RRP15: variants seen among roughly 807,000 people sequenced by gnomAD.
RRP15 encodes the protein RRP15-like protein.
A neutral mutation model predicts 27.1 loss-of-function variants in RRP15; 18 were observed. The ratio of observed to expected loss-of-function variants is 0.66; its 90% CI spans 0.46 to 0.98. RRP15 has a LOEUF of 0.98. Among genes scored for constraint, RRP15 ranks in the 50% least tolerant of loss-of-function variants. RRP15 has a pLI of 0.00. For missense variants in RRP15, 359 were observed against 337.8 expected (o/e 1.06, Z -0.49); for synonymous variants, 107 against 109.4 (o/e 0.98, Z 0.14).
chr1:218,323,319 G>A (rs972672169), intron 4 of RRP15, among the ~76,000 whole-genome samples: 1 of 152,228 alleles, frequency 6.6e-6, no homozygotes, highest in Admixed American at 6.5e-5. Context: ...GACAAGTGGA[G>A]GATGAGCAAG....
chr1:218,318,803 G>T (rs974134113), intron 4 of RRP15, among the ~76,000 whole-genome samples: 10 of 151,306 alleles, frequency 6.6e-5, no homozygotes, highest in South Asian at 2.1e-4. Flanking sequence ...TAATTTCTGG[G>T]ACAAATAGTT....
chr1:218,302,044 G>A (rs975656029), intron 1 of RRP15: 8 of 411,510 alleles, frequency 1.9e-5, no homozygotes, highest in Non-Finnish European at 2.6e-5. Flanking sequence ...TGTTTCTGCT[G>A]CCTGGGTCCT....
chr1:218,336,536 C>G lies in RRP15; in HGVS notation c.*5445C>G, dbSNP rs779670396. The G allele has an allele frequency of 6.6e-6, 1 of 152,620 alleles. No homozygotes were observed. The highest frequency in any genetic ancestry group is 6.5e-5 in the Admixed American group (1 of 15,274). The allele number at this position is 152,620 out of a possible 1,614,324, so 9.5% of individuals were successfully genotyped here. A position where few individuals can be genotyped will look rare whatever the true frequency, so the allele number is the denominator to read the frequency against. ...GTTGATTCACCCTCAGGCTACCAGA[C>G]AGTTGCCTCTTTGCATTTGCAGAAC... On this transcript the variant is annotated 3_prime_UTR_variant, in exon 5 of 5. Coordinates refer to ENST00000366932, the MANE Select transcript of RRP15 (RefSeq NM_016052.4).
intron 1 of RRP15, among the ~76,000 whole-genome samples, chr1:218,294,367 G>A (rs1277034342): frequency 6.6e-6 from 1 of 152,178 alleles, no homozygotes; most frequent in Non-Finnish European, 1.5e-5. Context: ...TCAGATACCA[G>A]TCCTAAATCC....
chr1:218,320,164 C>T (rs1301987555), intron 4 of RRP15, among the ~76,000 whole-genome samples: 1 of 151,962 alleles, frequency 6.6e-6, no homozygotes. Context: ...CACCCATTAA[C>T]TCATCATTTA....
chr1:218,320,651 T>C (rs557494717), intron 4 of RRP15, among the ~76,000 whole-genome samples: 42 of 152,246 alleles, frequency 2.8e-4, no homozygotes, highest in Admixed American at 6.5e-4. Context: ...TATGTCCACA[T>C]TTTGCCATAA....
chr1:218,307,365 A>C, intron 3 of RRP15, 66 bp from the exon 4 acceptor site: 1 of 1,367,376 alleles, frequency 7.3e-7, no homozygotes, highest in Non-Finnish European at 1.0e-6. Flanking sequence ...CATTTTTCCT[A>C]TCCTCAGAGT....
In RRP15 at chr1:218,332,979, A is replaced by G. The variant is rs1049018897; in HGVS notation, c.*1888A>G. The G allele has an allele frequency of 1.3e-5, 2 of 152,092 alleles. No individual in the cohort carries two copies. The highest frequency in any genetic ancestry group is 1.5e-5 in the Non-Finnish European group (1 of 67,994). 9.4% of individuals were successfully genotyped at this position (152,092 alleles called of 1,614,324 possible). On this transcript the variant is annotated 3_prime_UTR_variant, in exon 5 of 5. Coordinates refer to ENST00000366932, the MANE Select transcript of RRP15 (RefSeq NM_016052.4). ...TGCGTTATACTAGAGTTTTGCAGGA[A>G]TTTTTCTGAATAGTACATTCACATG...
chr1:218,306,559 T>C (rs146625719), intron 3 of RRP15, among the ~76,000 whole-genome samples: 3,425 of 152,218 alleles, frequency 0.023, 125 homozygotes, highest in African/African-American at 0.077. Flanking sequence ...CCAATAATTA[T>C]TGGAAGAGGC....
In RRP15 at chr1:218,302,360, G is replaced by A. The variant is rs778664284; in HGVS notation, c.206G>A (p.Gly69Asp). The A allele has an allele frequency of 2.5e-6, 4 of 1,614,078 alleles. No individual in the cohort carries two copies. Among genetic ancestry groups the A allele is most frequent in the East Asian group, 2.2e-5 (1 of 44,872 alleles). The change falls in exon 2 of 5, where the codon GGT (glycine) becomes GAT (aspartate). Residue 69 changes from glycine to aspartate, a missense_variant. Physicochemically the swap from Gly to Asp is moderately conservative, Grantham distance 94. Transcript: ENST00000366932. ...GACGCAATAGAAGCTGACAGTGAGG[G>A]TGATGCTGAGCCCTGTGACAAAGAA... Reference protein sequence around the residue: ...DDDAIEADSEGDAEPCDKENE... With the variant: ...DDDAIEADSEDDAEPCDKENE...
At chr1:218,299,658 T>A (rs1054398493) in intron 1 of RRP15, among the ~76,000 whole-genome samples, 1 of 152,120 alleles carries the variant, frequency 6.6e-6, no homozygotes, top group Non-Finnish European at 1.5e-5. Context: ...CACCAAGATA[T>A]TTTTTTATTG....
intron 4 of RRP15, among the ~76,000 whole-genome samples, chr1:218,308,517 T>C (rs1655938832): frequency 6.6e-6 from 1 of 152,192 alleles, no homozygotes; most frequent in Admixed American, 6.5e-5. Context: ...AAACCAAAGG[T>C]ACTTTTAATC....
intron 4 of RRP15, among the ~76,000 whole-genome samples, chr1:218,324,336 C>A (rs1656237047): frequency 6.6e-6 from 1 of 152,220 alleles, no homozygotes; most frequent in African/African-American, 2.4e-5. Flanking sequence ...CACCTTCGGC[C>A]GGGTACTCGC....
intron 2 of RRP15, among the ~76,000 whole-genome samples, chr1:218,304,320 A>T (rs1265191168): frequency 2.0e-5 from 3 of 152,230 alleles, no homozygotes; most frequent in Non-Finnish European, 2.9e-5. Flanking sequence ...AGAAGGAGAC[A>T]TGAACATGCA....
intron 1 of RRP15, among the ~76,000 whole-genome samples, chr1:218,288,024 C>T (rs1655577034): frequency 1.3e-5 from 2 of 152,088 alleles, no homozygotes; most frequent in African/African-American, 4.8e-5. Context: ...TGTTATGGCT[C>T]CAGCTGTTCA....
At position 218,297,802 on chromosome 1, in the gene RRP15, A is replaced by T. The variant is rs189958728; in HGVS notation, c.140-4492A>T. Among the ~76,000 whole-genome samples, 5 of 152,326 alleles carry T rather than the reference A, an allele frequency of 3.3e-5. No homozygotes were observed. The East Asian group carries it at 9.6e-4, about 29-fold the overall frequency. Reference sequence around the variant, plus strand: ...CTTAAGATAAGTGCTAAGAGAAAAAATTCCAGCTATTTGGCCTTTTATTGG... The same window carrying T: ...CTTAAGATAAGTGCTAAGAGAAAAATTTCCAGCTATTTGGCCTTTTATTGG... On this transcript the variant is annotated intron_variant, in intron 1 of 4. Coordinates refer to ENST00000366932, the MANE Select transcript of RRP15 (RefSeq NM_016052.4).
At chr1:218,299,986 CT>C (rs540326273) in intron 1 of RRP15, among the ~76,000 whole-genome samples, 2 of 150,044 alleles carry the variant, frequency 1.3e-5, no homozygotes, top group East Asian at 1.9e-4. Context: ...ATTTAGATAC[CT>C]TTTTTTTTAG....
chr1:218,303,606 T>C (rs1393647127), intron 2 of RRP15, among the ~76,000 whole-genome samples: 1 of 152,190 alleles, frequency 6.6e-6, no homozygotes, highest in Non-Finnish European at 1.5e-5. Flanking sequence ...TTCAAAAATA[T>C]CAGAATCTTT....
intron 4 of RRP15, among the ~76,000 whole-genome samples, chr1:218,313,514 A>T (rs545688746): frequency 4.9e-4 from 75 of 152,320 alleles, no homozygotes; most frequent in Non-Finnish European, 9.1e-4. Flanking sequence ...TCTGAGAGGT[A>T]AAGATTTTTG....
Sources: allele counts gnomAD v4.1 joint callset (sites outside exome capture counted in the v4.1 genomes callset), GRCh38; gene constraint gnomAD v4.1.1; transcripts MANE v1.5; gene names NCBI Gene and HGNC (gene_info 2026-07-23, HGNC 2026-07-21).